Variants in TTC28 observed in about 807,000 individuals in gnomAD.
TTC28 encodes the protein tetratricopeptide repeat domain 28, also known as tetratricopeptide repeat protein 28.
TTC28 carries 61 observed loss-of-function variants against 198.0 expected under a neutral mutation model. That is an observed-to-expected ratio of 0.31 (90% CI 0.25 to 0.38). The LOEUF (loss-of-function observed/expected upper bound fraction) is 0.38, where lower values mean the gene tolerates loss of function less well. Among genes scored for constraint, TTC28 ranks in the 10% least tolerant of loss-of-function variants. The probability of loss-of-function intolerance (pLI) is 1.00; values close to 1 mark genes in which losing one functional copy is unlikely to be tolerated. For synonymous variants in TTC28, 1,171 were observed against 1,297.8 expected (o/e 0.90, Z 2.10); for missense variants, 2,678 against 3,164.0 (o/e 0.85, Z 3.69).
At position 28,233,909 on chromosome 22, in the gene TTC28, GTTTT is replaced by G. The variant is rs529892559; in HGVS notation, c.933+62285_933+62288del. On this transcript the variant is annotated intron_variant, in intron 5 of 22. Transcript: ENST00000397906. ...ACCCACCACCACACCTAGCAAATTA[GTTTT>G]TTTTTTTTTTTTTGAGACAGAGTCT... is the stretch of plus-strand genomic sequence containing the variant. Among the ~76,000 whole-genome samples, 1,299 of 132,000 alleles carry G rather than the reference GTTTT, an allele frequency of 9.8e-3. 22 individuals are homozygous for G. The highest frequency in any genetic ancestry group is 0.034 in the African/African-American group (1,211 of 35,840). 86.6% of individuals were successfully genotyped at this position (132,000 alleles called of 152,430 possible).
intron 5 of TTC28, among the ~76,000 whole-genome samples, chr22:28,267,539 T>C (rs1323672844): frequency 6.6e-6 from 1 of 152,188 alleles, no homozygotes; most frequent in South Asian, 2.1e-4. Flanking sequence ...CCTTTACCTA[T>C]GTCAATTCTT....
intron 2 of TTC28, among the ~76,000 whole-genome samples, chr22:28,538,289 T>C (rs2145923557): frequency 6.6e-6 from 1 of 152,230 alleles, no homozygotes; most frequent in East Asian, 1.9e-4. Context: ...GGTCTTGCTA[T>C]GTTGCCCAGG....
chr22:28,131,236 T>G (rs1943053557), intron 6 of TTC28, among the ~76,000 whole-genome samples: 1 of 152,234 alleles, frequency 6.6e-6, no homozygotes, highest in South Asian at 2.1e-4. Flanking sequence ...ACACATTTTT[T>G]TTTCTCTAAG....
chr22:28,555,214 G>A (rs1274115762), intron 2 of TTC28, among the ~76,000 whole-genome samples: 1 of 152,196 alleles, frequency 6.6e-6, no homozygotes, highest in Non-Finnish European at 1.5e-5. Flanking sequence ...CATGGATGTA[G>A]TGAAAAGGGA....
At chr22:27,990,835 AAAAGAAAG>A (rs766893965) in intron 19 of TTC28, 23 bp from the exon 20 acceptor site, 1 of 1,546,446 alleles carries the variant, frequency 6.5e-7, no homozygotes, top group East Asian at 2.4e-5. Context: ...GATTATAAGA[AAAAGAAAG>A]AAAGAGAGAA....
rs939748403 is a variant in TTC28 at position 28,422,462 on chromosome 22, G to A, written c.382-115819C>T. Among the ~76,000 whole-genome samples the A allele has an allele frequency of 5.3e-5, 8 of 149,886 alleles. 1 individual carries two copies. The highest frequency in any genetic ancestry group is 1.9e-4 in the East Asian group (1 of 5,132). On this transcript the variant is annotated intron_variant, in intron 2 of 22. Coordinates refer to ENST00000397906, the MANE Select transcript of TTC28 (RefSeq NM_001145418.2). ...AATAATTTTTTTTTTTTTTTGAGAC[G>A]GAGTCTCGCTCTGTCGCCAAGGCTG... is the stretch of plus-strand genomic sequence containing the variant.
At chr22:28,265,285 C>T (rs1261305872) in intron 5 of TTC28, among the ~76,000 whole-genome samples, 1 of 152,150 alleles carries the variant, frequency 6.6e-6, no homozygotes, top group Non-Finnish European at 1.5e-5. Flanking sequence ...ATCCATCCCA[C>T]GATTTTCTGC....
chr22:28,675,392 A>C (rs568766950), intron 1 of TTC28, among the ~76,000 whole-genome samples: 1 of 152,312 alleles, frequency 6.6e-6, no homozygotes. Context: ...ATCATGAGCA[A>C]CAAAGAAAAA....
At chr22:28,019,489 T>C (rs1938505927) in intron 13 of TTC28, among the ~76,000 whole-genome samples, 1 of 152,134 alleles carries the variant, frequency 6.6e-6, no homozygotes, top group Non-Finnish European at 1.5e-5. Flanking sequence ...TGGCGTGGTT[T>C]TGGGCCTCTG....
intron 2 of TTC28, among the ~76,000 whole-genome samples, chr22:28,472,548 GTGT>G (rs2048110098): frequency 1.1e-5 from 1 of 94,562 alleles, no homozygotes; most frequent in Non-Finnish European, 2.4e-5. Context: ...AAAAGAAAAT[GTGT>G]ATGTGTGTGT....
Position 28,094,191 on chromosome 22 carries a change from C to G in TTC28, c.3821G>C (p.Ser1274Thr). The G allele has an allele frequency of 6.4e-7, 1 of 1,551,610 alleles. No individual in the cohort carries two copies. Among genetic ancestry groups the G allele is most frequent in the Non-Finnish European group, 8.7e-7 (1 of 1,146,940 alleles). ...YLGENTVENS[S>T]DFQASSSVTL... Reference sequence around the variant, plus strand: ...TACACTGCTGCTGGCCTGGAAGTCACTTGAGTTTTCCACTGTGTTCTCACC... The same window carrying G: ...TACACTGCTGCTGGCCTGGAAGTCAGTTGAGTTTTCCACTGTGTTCTCACC... Residue 1274 changes from serine (S) to threonine (T), a missense_variant, in exon 12 of 23, where the codon AGT (serine) becomes ACT (threonine). By Grantham distance (58) the Ser-to-Thr change is moderately conservative. Around this residue, in one of 8 missense-constraint regions of TTC28, gnomAD observed 727 missense variants for 861.9 expected, o/e 0.84. Transcript: ENST00000397906.
intron 2 of TTC28, among the ~76,000 whole-genome samples, chr22:28,378,017 A>G (rs1350916570): frequency 6.6e-6 from 1 of 152,148 alleles, no homozygotes; most frequent in Non-Finnish European, 1.5e-5. Flanking sequence ...AAAAGACACA[A>G]AGCAAAAAAA....
In TTC28 at chr22:28,603,070, G is replaced by A. The variant is rs184773581; in HGVS notation, c.381+26482C>T. 2.2e-3 allele frequency among the ~76,000 whole-genome samples: 333 copies of A among 152,000 alleles called. 3 individuals are homozygous for A. The highest frequency in any genetic ancestry group is 7.6e-3 in the African/African-American group (315 of 41,452). ...TAATTTTTGTATTTTTAGTAGAGAC[G>A]GGGTTTCACCACGTTGGCCAGGATG... On this transcript the variant is annotated intron_variant, in intron 2 of 22. Coordinates refer to ENST00000397906, the MANE Select transcript of TTC28 (RefSeq NM_001145418.2).
At chr22:28,472,552 ATGTGTGTGTG>A (rs3053555) in intron 2 of TTC28, among the ~76,000 whole-genome samples, 11 of 114,832 alleles carry the variant, frequency 9.6e-5, no homozygotes, top group Middle Eastern at 4.7e-3. Context: ...GAAAATGTGT[ATGTGTGTGTG>A]TGTGTGTGTG....
At chr22:28,486,434 A>C (rs2048315838) in intron 2 of TTC28, among the ~76,000 whole-genome samples, 2 of 152,200 alleles carry the variant, frequency 1.3e-5, no homozygotes, top group African/African-American at 2.4e-5. Context: ...TCAAACAAAT[A>C]ACTCTGTAAT....
chr22:28,168,207 G>A (rs1217352631), intron 5 of TTC28, among the ~76,000 whole-genome samples: 1 of 152,152 alleles, frequency 6.6e-6, no homozygotes, highest in Non-Finnish European at 1.5e-5. Flanking sequence ...CCATGCTCAT[G>A]GATAGGAAGA....
intron 2 of TTC28, among the ~76,000 whole-genome samples, chr22:28,568,866 G>T (rs1569030942): frequency 6.6e-6 from 1 of 152,038 alleles, no homozygotes; most frequent in Non-Finnish European, 1.5e-5. Context: ...ATTCACATGG[G>T]CCAGGCACGG....
intron 6 of TTC28, among the ~76,000 whole-genome samples, chr22:28,144,504 A>G (rs9608667): frequency 0.33 from 49,849 of 152,242 alleles, 9,502 homozygotes; most frequent in South Asian, 0.52. Context: ...ATGTTCTGGA[A>G]AGCCAAAATT....
intron 1 of TTC28, among the ~76,000 whole-genome samples, chr22:28,650,314 T>C (rs1307251969): frequency 6.6e-6 from 1 of 152,190 alleles, no homozygotes; most frequent in Non-Finnish European, 1.5e-5. Context: ...GAATCACTTA[T>C]ACTGCTATCA....
Sources: allele counts gnomAD v4.1 joint callset (sites outside exome capture counted in the v4.1 genomes callset), GRCh38; gene constraint gnomAD v4.1.1; regional missense constraint gnomAD v4.1.1; transcripts MANE v1.5; gene names NCBI Gene and HGNC (gene_info 2026-07-23, HGNC 2026-07-21).